The following SYCP2 variants were observed in gnomAD, a reference collection of about 807,000 sequenced individuals.
SYCP2 encodes the protein synaptonemal complex lateral element protein.
Under a neutral mutation model 211.3 loss-of-function variants are expected in SYCP2, and 55 were observed. The observed-to-expected ratio is 0.26, with a 90% CI of 0.21 to 0.33. SYCP2 has a LOEUF of 0.33. Among genes scored for constraint, SYCP2 ranks in the 10% least tolerant of loss-of-function variants. The probability of loss-of-function intolerance (pLI) is 1.00; values close to 1 mark genes in which losing one functional copy is unlikely to be tolerated. For synonymous variants in SYCP2, 570 were observed against 555.2 expected, an observed-to-expected ratio of 1.03 and a Z score of -0.37; for missense variants, 1,731 against 1,752.0, an observed-to-expected ratio of 0.99 and a Z score of 0.21.
chr20:59,886,972 A>C (rs2059800999), intron 24 of SYCP2, 138 bp from the exon 25 acceptor site: 2 of 632,134 alleles, frequency 3.2e-6, no homozygotes, highest in Non-Finnish European at 5.1e-6. Flanking sequence ...ACTGTTTAGT[A>C]AGTTTGAGCT....
rs2059535077 is a variant in SYCP2 at position 59,875,374 on chromosome 20, T to C, written c.3246A>G (p.Gln1082=). The C allele has an allele frequency of 2.5e-6, 4 of 1,612,612 alleles. No homozygotes were observed. Among genetic ancestry groups the C allele is most frequent in the Admixed American group, 1.7e-5 (1 of 59,948 alleles). ...CTTTTAGTAGAGATGAGTTTTTCCATTGTTTTGATAGTTCCTTTTCTGTTT... is the reference window on the plus strand; with the variant it reads ...CTTTTAGTAGAGATGAGTTTTTCCACTGTTTTGATAGTTCCTTTTCTGTTT... ...CAETEKELSK[Q]WKNSSLLKDA... The change falls in exon 34 of 45, where the codon CAA becomes CAG. Residue 1082 remains glutamine (Q), a synonymous_variant. Coordinates refer to ENST00000357552, the MANE Select transcript of SYCP2 (RefSeq NM_014258.4).
intron 16 of SYCP2, 44 bp from the exon 17 acceptor site, chr20:59,900,862 C>T: frequency 7.4e-7 from 1 of 1,352,140 alleles, no homozygotes; most frequent in Non-Finnish European, 1.0e-6. Context: ...TCTTCATTTT[C>T]TTTCCACTTT....
Position 59,880,318 on chromosome 20 carries a change from T to C in SYCP2, c.2926A>G (p.Lys976Glu), listed in dbSNP as rs745452816. 12 of 1,583,970 alleles carry C rather than the reference T, an allele frequency of 7.6e-6. No homozygotes were observed. Among genetic ancestry groups the C allele is most frequent in the Non-Finnish European group, 1.0e-5 (12 of 1,163,308 alleles). ...YSRNKNVKNH[K>E]SGKSRSSLEK... ...AATTTCTTACTTGATTTTCCACTTT[T>C]ATGATTCTTCACATTTTTATTTCTG... Residue 976 changes from lysine (K) to glutamate (E), a missense_variant, in exon 31 of 45, where the codon AAA becomes GAA. Coordinates refer to ENST00000357552, the MANE Select transcript of SYCP2 (RefSeq NM_014258.4).
chr20:59,893,942 T>C (rs1429921668), intron 20 of SYCP2, among the ~76,000 whole-genome samples: 4 of 152,078 alleles, frequency 2.6e-5, no homozygotes, highest in Non-Finnish European at 5.9e-5. Context: ...TCTATTTTGA[T>C]ATGGTCCATT....
At chr20:59,933,062 C>T (rs1053465107) in intron 1 of SYCP2, among the ~76,000 whole-genome samples, 2 of 152,052 alleles carry the variant, frequency 1.3e-5, no homozygotes, top group African/African-American at 4.8e-5. Flanking sequence ...GCGCCCCAGG[C>T]CGCAGCGCCA....
At chr20:59,916,682 A>G in intron 7 of SYCP2, 111 bp from the exon 8 acceptor site, 1 of 705,372 alleles carries the variant, frequency 1.4e-6, no homozygotes. Context: ...ACTCAGGCCT[A>G]TAATCCTAGC....
At chr20:59,866,190 CA>C (rs1213469284) in intron 41 of SYCP2, 102 bp downstream of exon 41, 2 of 630,590 alleles carry the variant, frequency 3.2e-6, no homozygotes, top group Non-Finnish European at 5.2e-6. Context: ...ATTTTCTGAA[CA>C]AAAAGCTTTA....
In SYCP2 at chr20:59,885,936, G is replaced by C; in HGVS notation, c.2521C>G (p.Leu841Val). Residue 841 changes from leucine to valine, a missense_variant, in exon 26 of 45, where the codon CTC (leucine) becomes GTC (valine). By Grantham distance (32) the Leu-to-Val change is conservative. Coordinates refer to ENST00000357552, the MANE Select transcript of SYCP2 (RefSeq NM_014258.4). ...AAGTAAATAACACCTACCTTACTGA[G>C]TTGTACAACAGGTTTGTTTGAAAAA... The part of the protein sequence containing the change: ...SGFSNKPVVQ[L>V]SKEKVQKKSY... The C allele has an allele frequency of 6.3e-7, 1 of 1,599,328 alleles. No homozygotes were observed. Among genetic ancestry groups the C allele is most frequent in the African/African-American group, 1.3e-5 (1 of 74,140 alleles).
intron 41 of SYCP2, 25 bp from the exon 42 acceptor site, chr20:59,865,890 T>A: frequency 9.3e-7 from 1 of 1,070,394 alleles, no homozygotes; most frequent in Non-Finnish European, 1.3e-6. Flanking sequence ...AAAATTTTAT[T>A]TAGTCCTAAA....
intron 2 of SYCP2, among the ~76,000 whole-genome samples, chr20:59,922,981 T>C (rs143652391): frequency 5.4e-4 from 82 of 151,992 alleles, no homozygotes; most frequent in African/African-American, 1.9e-3. Flanking sequence ...AAGAAAGAAC[T>C]CCCAGTTTCT....
At chr20:59,871,360 C>G (rs1210931842) in intron 35 of SYCP2, among the ~76,000 whole-genome samples, 2 of 150,436 alleles carry the variant, frequency 1.3e-5, no homozygotes, top group Non-Finnish European at 2.9e-5. Context: ...AGCACTATCT[C>G]ATAGCAGTGT....
At chr20:59,913,813 C>T (rs1331796052) in intron 12 of SYCP2, among the ~76,000 whole-genome samples, 162 bp downstream of exon 12, 1 of 151,990 alleles carries the variant, frequency 6.6e-6, no homozygotes, top group Non-Finnish European at 1.5e-5. Flanking sequence ...TAGTAATTTG[C>T]TAAAATCATG....
intron 34 of SYCP2, among the ~76,000 whole-genome samples, chr20:59,875,024 A>AT (rs1247640620): frequency 1.3e-5 from 2 of 152,054 alleles, no homozygotes; most frequent in African/African-American, 2.4e-5. Flanking sequence ...TTGTGAATAT[A>AT]TATTATTTTC....
At chr20:59,929,282 T>C (rs1480988037) in intron 2 of SYCP2, among the ~76,000 whole-genome samples, 2 of 150,466 alleles carry the variant, frequency 1.3e-5, no homozygotes, top group Non-Finnish European at 3.0e-5. Context: ...TAAAGGAAAT[T>C]GGAAATCATG....
chr20:59,897,279 G>A (rs1182781438), intron 18 of SYCP2, among the ~76,000 whole-genome samples: 4 of 152,158 alleles, frequency 2.6e-5, no homozygotes, highest in Non-Finnish European at 5.9e-5. Flanking sequence ...TATGAAACGT[G>A]AGGGAAGGAT....
intron 15 of SYCP2, among the ~76,000 whole-genome samples, chr20:59,902,594 T>C (rs1037635049): frequency 1.3e-5 from 2 of 152,112 alleles, no homozygotes; most frequent in Admixed American, 6.6e-5. Context: ...TATCTCTACA[T>C]CTGAAAAAGC....
intron 39 of SYCP2, among the ~76,000 whole-genome samples, 175 bp from the exon 40 acceptor site, chr20:59,866,764 T>G (rs1411204291): frequency 6.6e-6 from 1 of 151,326 alleles, no homozygotes; most frequent in East Asian, 1.9e-4. Flanking sequence ...CTGCTCTGAG[T>G]GAACTTATTT....
At position 59,920,505 on chromosome 20, in the gene SYCP2, C is replaced by T; in HGVS notation, c.169-18G>A. The T allele has an allele frequency of 6.4e-7, 1 of 1,565,100 alleles. No individual in the cohort carries two copies. Among genetic ancestry groups the T allele is most frequent in the Non-Finnish European group, 8.7e-7 (1 of 1,145,576 alleles). ...TTAAGTTCCTGAAATAAAAGGTATA[C>T]ATTAAAATTTCTGTAAACACAAAAC... On this transcript the variant is annotated intron_variant, in intron 4 of 44. Coordinates refer to ENST00000357552, the MANE Select transcript of SYCP2 (RefSeq NM_014258.4).
chr20:59,867,952 G>A (rs1467455466), intron 38 of SYCP2, 105 bp from the exon 39 acceptor site: 1 of 748,854 alleles, frequency 1.3e-6, no homozygotes, highest in Non-Finnish European at 2.1e-6. Flanking sequence ...GAATCTATGT[G>A]TAACCTAAGG....
Sources: allele counts gnomAD v4.1 joint callset (sites outside exome capture counted in the v4.1 genomes callset), GRCh38; gene constraint gnomAD v4.1.1; transcripts MANE v1.5; gene names NCBI Gene and HGNC (gene_info 2026-07-23, HGNC 2026-07-21).